Variants in SCAF4 observed in about 807,000 individuals in gnomAD.
The protein encoded by SCAF4 is SR-related and CTD-associated factor 4.
In SCAF4, 25 loss-of-function variants were observed where a neutral mutation model predicts 129.8. The observed-to-expected ratio is 0.19, with a 90% confidence interval of 0.14 to 0.27. The LOEUF (loss-of-function observed/expected upper bound fraction) is 0.27, where lower values mean the gene tolerates loss of function less well. SCAF4 is among the 10% of genes least tolerant of loss of function. SCAF4 has a pLI of 1.00. For synonymous variants in SCAF4, 551 were observed against 497.7 expected (o/e 1.11, Z -1.43); for missense variants, 1,246 against 1,457.1 (o/e 0.86, Z 2.36).
chr21:31,725,707 C>T (rs1021003998), intron 1 of SCAF4, among the ~76,000 whole-genome samples: 3 of 152,022 alleles, frequency 2.0e-5, no homozygotes, highest in Non-Finnish European at 2.9e-5. Flanking sequence ...CCTTTTTGTT[C>T]GTTTTCTCAG....
chr21:31,709,361 AAAAG>A lies in SCAF4; in HGVS notation c.31-3008_31-3005del, dbSNP rs1555851528. Among the ~76,000 whole-genome samples the A allele has an allele frequency of 2.9e-4, 44 of 151,420 alleles. No individual in the cohort carries two copies. In the South Asian group the frequency reaches 3.1e-3, roughly 11 times the overall value. On this transcript the variant is annotated intron_variant, in intron 1 of 19. Transcript: ENST00000286835. ...GGTACTGAAACTGTCAAAAAAAAAAAAAAGAAAGAAAGAAAGAAAGAAATGAGCA... is the reference window on the plus strand; with the variant it reads ...GGTACTGAAACTGTCAAAAAAAAAAAAAAGAAAGAAAGAAAGAAATGAGCA...
At chr21:31,718,560 T>C (rs868077475) in intron 1 of SCAF4, among the ~76,000 whole-genome samples, 2 of 152,318 alleles carry the variant, frequency 1.3e-5, no homozygotes, top group Middle Eastern at 3.4e-3. Flanking sequence ...CCTCCCAAAG[T>C]ACTGGGATTA....
Position 31,688,315 on chromosome 21 carries a change from G to A in SCAF4, c.2035C>T (p.Pro679Ser). 1.9e-6 allele frequency: 3 copies of A among 1,612,976 alleles called. No homozygotes were observed. Among genetic ancestry groups the A allele is most frequent in the South Asian group, 1.1e-5 (1 of 90,870 alleles). The change falls in exon 16 of 20, where the codon CCT (proline) becomes TCT (serine). Residue 679 changes from proline (P) to serine (S), a missense_variant. By Grantham distance (74) the Pro-to-Ser change is moderately conservative. Coordinates refer to ENST00000286835, the MANE Select transcript of SCAF4 (RefSeq NM_020706.2). ...TGTCCCAATATTCTCACCTGTGGAG[G>A]TGGCACTGTTATAGGTGCAGGAACA... Reference protein sequence around the residue: ...IPVPAPITVPPPQVPPHQPGP... With the variant: ...IPVPAPITVPSPQVPPHQPGP...
In SCAF4 at chr21:31,731,731, C is replaced by G; in HGVS notation, c.-39G>C. 6.4e-7 allele frequency: 1 copy of G among 1,565,568 alleles called. No individual in the cohort carries two copies. On this transcript the variant is annotated 5_prime_UTR_variant, in exon 1 of 20. An upstream open reading frame in the 5' UTR loses its in-frame stop. Transcript: ENST00000286835. ...CGGCGGCTGCTCCGGGCCCGCCGGTCACATAGACCTCGCGCCGCGGCGGAG... is the reference window on the plus strand; with the variant it reads ...CGGCGGCTGCTCCGGGCCCGCCGGTGACATAGACCTCGCGCCGCGGCGGAG...
intron 16 of SCAF4, among the ~76,000 whole-genome samples, chr21:31,686,928 T>A (rs1480938339): frequency 6.6e-6 from 1 of 152,178 alleles, no homozygotes; most frequent in Non-Finnish European, 1.5e-5. Context: ...GCCGGAAAGG[T>A]TGGAGACCAC....
Position 31,694,391 on chromosome 21 carries a change from C to A in SCAF4, c.1237-102G>T, listed in dbSNP as rs78797071. ...ATATTAAAAATCTCCTTCCCTGAAGCAATTCTCTTTTGGTTGCCTGGGACC... is the reference window on the plus strand; with the variant it reads ...ATATTAAAAATCTCCTTCCCTGAAGAAATTCTCTTTTGGTTGCCTGGGACC... On this transcript the variant is annotated intron_variant, in intron 10 of 19. Coordinates refer to ENST00000286835, the MANE Select transcript of SCAF4 (RefSeq NM_020706.2). 8.1e-4 allele frequency: 566 copies of A among 698,948 alleles called. 2 individuals are homozygous for A. In the East Asian group the frequency reaches 0.012, roughly 15 times the overall value. The allele number at this position is 698,948 out of a possible 1,614,324, so 43.3% of individuals were successfully genotyped here.
At chr21:31,688,611 TAAC>T (rs1181926860) in intron 15 of SCAF4, 147 bp from the exon 16 acceptor site, 8 of 674,288 alleles carry the variant, frequency 1.2e-5, no homozygotes, top group Admixed American at 2.9e-5. Context: ...TTATTTAAAT[TAAC>T]AACAATAGAA....
intron 19 of SCAF4, among the ~76,000 whole-genome samples, chr21:31,675,930 C>T (rs1601174510): frequency 6.6e-6 from 1 of 152,050 alleles, no homozygotes; most frequent in South Asian, 2.1e-4. Flanking sequence ...TGGAGTCCAA[C>T]GTGGACCTTG....
chr21:31,714,198 T>C (rs1013335805), intron 1 of SCAF4, among the ~76,000 whole-genome samples: 4 of 152,124 alleles, frequency 2.6e-5, no homozygotes, highest in African/African-American at 7.2e-5. Flanking sequence ...ACTCGTACTA[T>C]GTCACCCCGC....
At chr21:31,726,598 G>A (rs1347027061) in intron 1 of SCAF4, among the ~76,000 whole-genome samples, 1 of 152,174 alleles carries the variant, frequency 6.6e-6, no homozygotes, top group African/African-American at 2.4e-5. Context: ...CCAGGAGGCG[G>A]AGGTTGCAAT....
intron 12 of SCAF4, 44 bp from the exon 13 acceptor site, chr21:31,692,493 T>C: frequency 7.9e-7 from 1 of 1,269,926 alleles, no homozygotes; most frequent in South Asian, 1.2e-5. Context: ...CATTTGATAA[T>C]GAGCAGCACT....
chr21:31,701,238 ATAAAAAAATGTCT>A, intron 6 of SCAF4, 67 bp from the exon 7 acceptor site: 1 of 1,390,724 alleles, frequency 7.2e-7, no homozygotes, highest in Non-Finnish European at 9.7e-7. Context: ...AGTTAATTTA[ATAAAAAAATGTCT>A]TAAAGGTGAT....
rs150336060 is a variant in SCAF4 at position 31,707,217 on chromosome 21, G to C, written c.31-860C>G. Among the ~76,000 whole-genome samples the C allele has an allele frequency of 9.9e-3, 1,506 of 152,180 alleles. 28 individuals are homozygous for C. The highest frequency in any genetic ancestry group is 0.034 in the African/African-American group (1,429 of 41,494). ...AATATACAAATATTAGCCAGCCATG[G>C]TGGCGCACACCTGTAATCCCAGCTA... On this transcript the variant is annotated intron_variant, in intron 1 of 19. Coordinates refer to ENST00000286835, the MANE Select transcript of SCAF4 (RefSeq NM_020706.2).
At chr21:31,694,658 T>C (rs1379938605) in intron 10 of SCAF4, among the ~76,000 whole-genome samples, 155 bp downstream of exon 10, 5 of 152,206 alleles carry the variant, frequency 3.3e-5, no homozygotes, top group Admixed American at 3.3e-4. Flanking sequence ...GCATGTCCAC[T>C]TTCCAGATGA....
intron 7 of SCAF4, among the ~76,000 whole-genome samples, chr21:31,699,971 G>A (rs1391536667): frequency 6.6e-6 from 1 of 151,800 alleles, no homozygotes; most frequent in African/African-American, 2.4e-5. Flanking sequence ...CTTTTTTGTT[G>A]TTGCTTGTTT....
intron 3 of SCAF4, among the ~76,000 whole-genome samples, chr21:31,704,234 ACTT>A (rs1350972361): frequency 6.6e-6 from 1 of 152,098 alleles, no homozygotes; most frequent in Non-Finnish European, 1.5e-5. Flanking sequence ...ATATAAATTC[ACTT>A]ATTATGATAG....
intron 14 of SCAF4, 146 bp downstream of exon 14, chr21:31,691,671 T>TAA: frequency 1.6e-5 from 6 of 382,428 alleles, no homozygotes; most frequent in East Asian, 4.0e-5. Context: ...GAAATATTCT[T>TAA]TAAAAAAAAA....
intron 7 of SCAF4, among the ~76,000 whole-genome samples, chr21:31,698,087 C>G (rs1341815484): frequency 6.6e-6 from 1 of 152,134 alleles, no homozygotes; most frequent in Non-Finnish European, 1.5e-5. Flanking sequence ...AAAACAAAAC[C>G]TATGATCTTC....
chr21:31,728,486 C>T (rs1327410588), intron 1 of SCAF4, among the ~76,000 whole-genome samples: 1 of 152,150 alleles, frequency 6.6e-6, no homozygotes, highest in Non-Finnish European at 1.5e-5. Context: ...TATCTTCGGA[C>T]ACAATTAAAT....
Sources: gnomAD v4.1 joint callset for allele counts (sites outside exome capture counted in the v4.1 genomes callset) on GRCh38, gnomAD v4.1.1 for gene constraint, MANE v1.5 for transcripts, NCBI Gene and HGNC (gene_info 2026-07-23, HGNC 2026-07-21) for gene names.